NR3C1: variants seen among roughly 807,000 people sequenced by gnomAD.
NR3C1 encodes glucocorticoid receptor.
A neutral mutation model predicts 74.0 loss-of-function variants in NR3C1; 14 were observed. The observed-to-expected ratio is 0.19, with a 90% CI of 0.12 to 0.30. NR3C1 has a LOEUF of 0.30. Ranked by LOEUF, NR3C1 falls within the 10% of genes least tolerant of loss-of-function variation. The pLI, the probability that NR3C1 is intolerant of heterozygous loss-of-function variation, is 1.00. For synonymous variants in NR3C1, 308 were observed against 332.5 expected (o/e 0.93, Z 0.80); for missense variants, 695 against 909.8 (o/e 0.76, Z 3.04).
At chr5:143,307,321 T>C (rs1365833669) in intron 4 of NR3C1, among the ~76,000 whole-genome samples, 2 of 152,206 alleles carry the variant, frequency 1.3e-5, no homozygotes, top group Non-Finnish European at 2.9e-5. Context: ...GGTCGTCTTC[T>C]AGTACAGTAA....
intron 2 of NR3C1, among the ~76,000 whole-genome samples, chr5:143,370,123 T>C (rs1007787707): frequency 9.2e-5 from 14 of 152,238 alleles, no homozygotes; most frequent in Non-Finnish European, 1.8e-4. Flanking sequence ...TGGATCTTTA[T>C]AATAATAGTC....
upstream of NR3C1, chr5:143,404,630 G>T: frequency 1.9e-6 from 1 of 517,926 alleles, no homozygotes; most frequent in Non-Finnish European, 2.5e-6. Context: ...CTCGAAGGAA[G>T]TTGCACGCCA....
At chr5:143,363,367 A>C (rs1832621920) in intron 2 of NR3C1, among the ~76,000 whole-genome samples, 1 of 152,220 alleles carries the variant, frequency 6.6e-6, no homozygotes, top group African/African-American at 2.4e-5. Context: ...TGTCCAGTTA[A>C]CAACAACAAT....
intron 2 of NR3C1, among the ~76,000 whole-genome samples, chr5:143,384,676 A>C (rs928352566): frequency 5.9e-5 from 9 of 152,360 alleles, no homozygotes; most frequent in Admixed American, 4.6e-4. Context: ...CCACGCTGAC[A>C]CAAGGGGTGA....
In NR3C1 at chr5:143,400,686, AAGCGAC is replaced by A; in HGVS notation, c.148_153del (p.Val50_Ala51del). On this transcript the variant is annotated inframe_deletion, in exon 2 of 9. Transcript: ENST00000394464. ...CTTCGCTGCTTGGAGTCTGATTGAGAAGCGACAGCCAGTGAGGGTGAAGACGCAGAA... is the reference window on the plus strand; with the variant it reads ...CTTCGCTGCTTGGAGTCTGATTGAGAAGCCAGTGAGGGTGAAGACGCAGAA... The A allele has an allele frequency of 1.9e-6, 3 of 1,614,066 alleles. No individual in the cohort carries two copies. Among genetic ancestry groups the A allele is most frequent in the Non-Finnish European group, 2.5e-6 (3 of 1,179,932 alleles).
In NR3C1 at chr5:143,403,592, G is replaced by T; in HGVS notation, c.-395C>A. On this transcript the variant is annotated 5_prime_UTR_variant, in exon 1 of 9. Transcript: ENST00000394464. ...ACAGACACGAGCTCGCAAAATGGAG[G>T]AGGCGGCGGCGGAGGGAAGAGAGCG... 1.0e-6 allele frequency: 1 copy of T among 986,384 alleles called. No individual in the cohort carries two copies. The highest frequency in any genetic ancestry group is 1.2e-6 in the Non-Finnish European group (1 of 830,692). The allele number at this position is 986,384 out of a possible 1,614,324, so 61.1% of individuals were successfully genotyped here. A position where few individuals can be genotyped will look rare whatever the true frequency, so the allele number is the denominator to read the frequency against.
At chr5:143,328,968 T>C (rs2151688742) in intron 2 of NR3C1, among the ~76,000 whole-genome samples, 1 of 152,326 alleles carries the variant, frequency 6.6e-6, no homozygotes, top group African/African-American at 2.4e-5. Context: ...TTCTAACCAC[T>C]GCCTGTTACC....
At chr5:143,409,576 T>C (rs1198436532) in intron 1 of NR3C1, among the ~76,000 whole-genome samples, 1 of 152,254 alleles carries the variant, frequency 6.6e-6, no homozygotes, top group East Asian at 1.9e-4. Context: ...TATTTGTCTC[T>C]TTAAAATAAT....
intron 2 of NR3C1, among the ~76,000 whole-genome samples, chr5:143,353,176 G>C (rs1158148255): frequency 6.6e-6 from 1 of 152,170 alleles, no homozygotes; most frequent in East Asian, 1.9e-4. Context: ...TTTCTCATGA[G>C]ATTGCAGCAA....
chr5:143,349,872 C>T (rs1000419001), intron 2 of NR3C1, among the ~76,000 whole-genome samples: 36 of 152,094 alleles, frequency 2.4e-4, no homozygotes, highest in Admixed American at 6.6e-4. Context: ...ACACCTGGTG[C>T]GGTGATGGTA....
upstream of NR3C1, chr5:143,404,524 C>CA: frequency 1.0e-6 from 1 of 980,038 alleles, no homozygotes; most frequent in Non-Finnish European, 1.2e-6. Context: ...GACCGTCCCC[C>CA]ACCCTCTTCC....
At chr5:143,303,976 G>A (rs1327804764) in intron 4 of NR3C1, among the ~76,000 whole-genome samples, 1 of 152,048 alleles carries the variant, frequency 6.6e-6, no homozygotes, top group Non-Finnish European at 1.5e-5. Flanking sequence ...TACCAAATGG[G>A]CAAAAGCTGG....
intron 2 of NR3C1, among the ~76,000 whole-genome samples, chr5:143,343,692 T>C (rs1455582660): frequency 1.3e-5 from 2 of 152,216 alleles, no homozygotes; most frequent in Non-Finnish European, 2.9e-5. Context: ...ATTCCCAGTA[T>C]TGTTACTCTG....
chr5:143,327,311 A>C (rs978343532), intron 2 of NR3C1, among the ~76,000 whole-genome samples: 15 of 150,780 alleles, frequency 9.9e-5, no homozygotes, highest in African/African-American at 2.2e-4. Context: ...CATGGAAAAA[A>C]CCCCCCCATG....
At chr5:143,357,603 C>A (rs998806871) in intron 2 of NR3C1, among the ~76,000 whole-genome samples, 1 of 152,220 alleles carries the variant, frequency 6.6e-6, no homozygotes, top group Non-Finnish European at 1.5e-5. Context: ...TGCTCTCCTT[C>A]AGTTTCCACA....
intron 2 of NR3C1, among the ~76,000 whole-genome samples, chr5:143,379,933 A>G (rs1308422659): frequency 6.6e-6 from 1 of 152,236 alleles, no homozygotes; most frequent in Non-Finnish European, 1.5e-5. Flanking sequence ...TTTTAAAAGC[A>G]GTCAGCTCTA....
At chr5:143,296,222 T>C (rs1599740419) in intron 6 of NR3C1, among the ~76,000 whole-genome samples, 1 of 152,182 alleles carries the variant, frequency 6.6e-6, no homozygotes, top group African/African-American at 2.4e-5. Context: ...ACTTGTGAAA[T>C]GACACTAAGA....
chr5:143,339,792 G>A lies in NR3C1; in HGVS notation c.1185-25624C>T, dbSNP rs572137235. On this transcript the variant is annotated intron_variant, in intron 2 of 8. Coordinates refer to ENST00000394464, the MANE Select transcript of NR3C1 (RefSeq NM_000176.3). ...AGAAATATCTTAAAAACAAAAGGAA[G>A]TTTAAGTGAGCCATTACATACCAAA... 7.1e-4 allele frequency among the ~76,000 whole-genome samples: 108 copies of A among 152,188 alleles called. 1 individual carries two copies. Among genetic ancestry groups the A allele is most frequent in the Non-Finnish European group, 6.2e-4 (42 of 68,046 alleles).
intron 1 of NR3C1, among the ~76,000 whole-genome samples, chr5:143,426,709 G>A (rs1045822125): frequency 3.9e-5 from 6 of 152,150 alleles, no homozygotes; most frequent in African/African-American, 4.8e-5. Flanking sequence ...TTATTAAAAC[G>A]TTACGGTACA....
Sources: gnomAD v4.1 joint callset for allele counts (sites outside exome capture counted in the v4.1 genomes callset) on GRCh38, gnomAD v4.1.1 for gene constraint, MANE v1.5 for transcripts, NCBI Gene and HGNC (gene_info 2026-07-23, HGNC 2026-07-21) for gene names.